The following THSD7B variants were observed in gnomAD, a reference collection of about 807,000 sequenced individuals.
The protein encoded by THSD7B is thrombospondin type-1 domain-containing protein 7B.
A neutral mutation model predicts 213.6 loss-of-function variants in THSD7B; 138 were observed. That is an observed-to-expected ratio of 0.65 (90% confidence interval 0.56 to 0.74). The LOEUF (loss-of-function observed/expected upper bound fraction) is 0.74. Ranked by LOEUF, THSD7B falls within the 30% of genes least tolerant of loss-of-function variation. THSD7B has a pLI of 0.00. For synonymous variants in THSD7B, 742 were observed against 687.0 expected, an observed-to-expected ratio of 1.08 and a Z score of -1.25; for missense variants, 1,931 against 1,991.5, an observed-to-expected ratio of 0.97 and a Z score of 0.58.
rs768914663 is a variant in THSD7B at position 137,342,922 on chromosome 2, AT to A, written c.2501-62689del. Among the ~76,000 whole-genome samples, 30 of 151,762 alleles carry A rather than the reference AT, an allele frequency of 2.0e-4. 1 individual carries two copies. Among genetic ancestry groups the A allele is most frequent in the African/African-American group, 6.7e-4 (28 of 41,496 alleles). On this transcript the variant is annotated intron_variant, in intron 12 of 27. Coordinates refer to ENST00000409968, the MANE Select transcript of THSD7B (RefSeq NM_001316349.2). ...GGATGGTCTTTTTAATGGTTGTTGA[AT>A]TCAGTTTGCAAGTTTTTTTCTTGGG... is the stretch of plus-strand genomic sequence containing the variant.
chr2:137,142,145 C>T (rs1679599387), intron 5 of THSD7B, among the ~76,000 whole-genome samples: 1 of 152,128 alleles, frequency 6.6e-6, no homozygotes, highest in South Asian at 2.1e-4. Context: ...ATATCACATA[C>T]TGTGTCATTT....
chr2:137,479,345 C>T (rs1194214238), intron 15 of THSD7B: 2 of 207,094 alleles, frequency 9.7e-6, no homozygotes, highest in Admixed American at 5.8e-5. Flanking sequence ...AGGTAATTCC[C>T]AGGCTCCCAG....
At chr2:137,076,116 C>G (rs369883218) in intron 3 of THSD7B, among the ~76,000 whole-genome samples, 12 of 152,280 alleles carry the variant, frequency 7.9e-5, no homozygotes, top group Non-Finnish European at 1.8e-4. Context: ...TCAAAGCTGT[C>G]AGAGAGGGAC....
intron 4 of THSD7B, among the ~76,000 whole-genome samples, chr2:137,097,403 T>C (rs1408644178): frequency 1.3e-5 from 2 of 152,128 alleles, no homozygotes; most frequent in African/African-American, 2.4e-5. Flanking sequence ...ATATAAATAA[T>C]ATTTAGTGTG....
intron 17 of THSD7B, among the ~76,000 whole-genome samples, chr2:137,582,871 G>A (rs1005275709): frequency 2.6e-5 from 4 of 152,066 alleles, no homozygotes; most frequent in Non-Finnish European, 5.9e-5. Context: ...GGGATGGCTG[G>A]GTCAAACTGT....
At chr2:137,664,640 T>C (rs1353139149) in intron 26 of THSD7B, among the ~76,000 whole-genome samples, 1 of 152,190 alleles carries the variant, frequency 6.6e-6, no homozygotes, top group African/African-American at 2.4e-5. Context: ...ATTTGAGAGA[T>C]GAGGAAACTG....
intron 1 of THSD7B, among the ~76,000 whole-genome samples, chr2:136,864,710 G>A (rs2558102): frequency 0.3 from 45,470 of 151,924 alleles, 7,604 homozygotes; most frequent in Non-Finnish European, 0.37. Context: ...CAGCCACCAT[G>A]CCCGGCTAGT....
intron 12 of THSD7B, 136 bp downstream of exon 12, chr2:137,276,162 A>G (rs1682866105): frequency 7.4e-6 from 5 of 672,560 alleles, no homozygotes; most frequent in Non-Finnish European, 9.6e-6. Context: ...TTGATGTTAA[A>G]TATAAATAGG....
At chr2:136,851,290 A>G (rs1683095886) in intron 1 of THSD7B, among the ~76,000 whole-genome samples, 1 of 151,664 alleles carries the variant, frequency 6.6e-6, no homozygotes, top group South Asian at 2.1e-4. Context: ...CTTGTCCACC[A>G]TTTCTTTATT....
chr2:136,953,750 G>A (rs1346278159), intron 2 of THSD7B, among the ~76,000 whole-genome samples: 2 of 152,050 alleles, frequency 1.3e-5, no homozygotes, highest in Non-Finnish European at 2.9e-5. Flanking sequence ...AACATCTATT[G>A]GTAAAACACA....
rs1437313849 is a variant in THSD7B, at chr2:137,210,552, A to G, written c.1724-20492A>G. On this transcript the variant is annotated intron_variant, in intron 7 of 27. Transcript: ENST00000409968. ...GTTTAAACATTCAAAACATTCAAGG[A>G]CAAATCTCTTTGTAAACTACCTAAA... is the stretch of plus-strand genomic sequence containing the variant. Among the ~76,000 whole-genome samples, 4 of 152,180 alleles carry G rather than the reference A, an allele frequency of 2.6e-5. No individual in the cohort carries two copies. The East Asian group carries it at 7.7e-4, about 29-fold the overall frequency.
intron 1 of THSD7B, among the ~76,000 whole-genome samples, chr2:136,796,029 C>A (rs1034566616): frequency 6.6e-6 from 1 of 151,818 alleles, no homozygotes; most frequent in African/African-American, 2.4e-5. Flanking sequence ...TCTCATTTAC[C>A]CTCATCTCAC....
intron 2 of THSD7B, among the ~76,000 whole-genome samples, chr2:136,945,901 G>C (rs1306438555): frequency 6.6e-6 from 1 of 152,048 alleles, no homozygotes; most frequent in Non-Finnish European, 1.5e-5. Flanking sequence ...TGATGGGTTT[G>C]AACATCCTCC....
At chr2:137,314,269 A>G (rs918428538) in intron 12 of THSD7B, among the ~76,000 whole-genome samples, 10 of 151,834 alleles carry the variant, frequency 6.6e-5, no homozygotes, top group Non-Finnish European at 1.3e-4. Context: ...ATCTTCCATC[A>G]CTGATACCCT....
At chr2:136,994,825 C>G (rs1484913606) in intron 2 of THSD7B, among the ~76,000 whole-genome samples, 2 of 152,114 alleles carry the variant, frequency 1.3e-5, no homozygotes, top group Non-Finnish European at 2.9e-5. Context: ...TAATCCTAGA[C>G]ATAAACTTTT....
intron 6 of THSD7B, among the ~76,000 whole-genome samples, chr2:137,164,144 A>G (rs966731166): frequency 3.9e-5 from 6 of 152,034 alleles, no homozygotes; most frequent in Admixed American, 6.6e-5. Context: ...ATGAAGGGGG[A>G]AAAGAGGCTG....
chr2:137,556,123 A>T (rs1326509999), intron 15 of THSD7B, among the ~76,000 whole-genome samples: 1 of 152,214 alleles, frequency 6.6e-6, no homozygotes, highest in Non-Finnish European at 1.5e-5. Context: ...ACCCTGCAGG[A>T]TATTATCCAG....
intron 2 of THSD7B, among the ~76,000 whole-genome samples, chr2:137,004,634 ACAGT>A (rs1461038443): frequency 6.6e-6 from 1 of 152,196 alleles, no homozygotes; most frequent in African/African-American, 2.4e-5. Flanking sequence ...ACTCCCAATG[ACAGT>A]CAGTGTGTGT....
At chr2:136,785,422 T>C (rs1204058251) in intron 1 of THSD7B, among the ~76,000 whole-genome samples, 2 of 151,750 alleles carry the variant, frequency 1.3e-5, no homozygotes, top group African/African-American at 4.8e-5. Flanking sequence ...GCCACAGCAG[T>C]GTGGGGACAG....
Sources: allele counts gnomAD v4.1 joint callset (sites outside exome capture counted in the v4.1 genomes callset), GRCh38; gene constraint gnomAD v4.1.1; transcripts MANE v1.5; gene names NCBI Gene and HGNC (gene_info 2026-07-23, HGNC 2026-07-21).